COL18A1: variants seen among roughly 807,000 people sequenced by gnomAD.
The protein encoded by COL18A1 is collagen alpha-1(XVIII) chain.
In COL18A1, 133 loss-of-function variants were observed where a neutral mutation model predicts 168.0. The ratio of observed to expected loss-of-function variants is 0.79; its 90% CI spans 0.69 to 0.91. The LOEUF (loss-of-function observed/expected upper bound fraction) is 0.91. Ranked by LOEUF, COL18A1 falls within the 40% of genes least tolerant of loss-of-function variation. The probability of loss-of-function intolerance (pLI) is 0.00; values close to 1 mark genes in which losing one functional copy is unlikely to be tolerated. For missense variants in COL18A1, 2,126 were observed against 1,925.4 expected (o/e 1.10, Z -1.95); for synonymous variants, 949 against 809.0 (o/e 1.17, Z -2.94).
At chr21:45,505,464 G>A (rs573183760) in intron 36 of COL18A1, 33 bp downstream of exon 36, 82 of 1,170,996 alleles carry the variant, frequency 7.0e-5, no homozygotes, top group South Asian at 3.0e-4. Context: ...GGGCACCTGC[G>A]TCCCGTGCCC....
At chr21:45,478,670 G>T (rs113818326) in intron 9 of COL18A1, among the ~76,000 whole-genome samples, 1 of 151,672 alleles carries the variant, frequency 6.6e-6, no homozygotes, top group Non-Finnish European at 1.5e-5. Context: ...GCAGGGGGTG[G>T]TGCAAGTCGG....
intron 2 of COL18A1, among the ~76,000 whole-genome samples, chr21:45,460,291 G>A (rs1453403558): frequency 6.6e-6 from 1 of 152,234 alleles, no homozygotes; most frequent in African/African-American, 2.4e-5. Context: ...GATGGATAGT[G>A]CCTGTGCACA....
At chr21:45,442,743 G>A (rs1332116262) in intron 2 of COL18A1, among the ~76,000 whole-genome samples, 6 of 95,564 alleles carry the variant, frequency 6.3e-5, no homozygotes, top group East Asian at 3.1e-4. Context: ...TGTGGGCAGC[G>A]GGGCTGGTGT....
chr21:45,481,699 C>T (rs542147024), intron 13 of COL18A1, among the ~76,000 whole-genome samples: 4 of 152,350 alleles, frequency 2.6e-5, no homozygotes, highest in African/African-American at 7.2e-5. Flanking sequence ...GAGGGAGCAG[C>T]GGCTACCCCA....
Position 45,486,923 on chromosome 21 carries a change from C to G in COL18A1, c.1764C>G (p.Pro588=). The part of the protein sequence containing the change: ...ARGESGLAGA[P]GPAGPPGPPG... ...GGGAGAGCGGCCTGGCAGGAGCCCC[C>G]GGACCTGCTGGACCACCAGGCCCCC... Residue 588 remains proline (P), a synonymous_variant, in exon 16 of 42, where the codon CCC becomes CCG. Coordinates refer to ENST00000651438, the MANE Select transcript of COL18A1 (RefSeq NM_001379500.1). 1 of 1,511,786 alleles carries G rather than the reference C, an allele frequency of 6.6e-7. No individual in the cohort carries two copies. The highest frequency in any genetic ancestry group is 1.2e-5 in the South Asian group (1 of 80,398). 93.6% of individuals were successfully genotyped at this position (1,511,786 alleles called of 1,614,324 possible).
chr21:45,505,660 G>A (rs997561674), intron 36 of COL18A1, among the ~76,000 whole-genome samples, 178 bp from the exon 37 acceptor site: 3 of 152,288 alleles, frequency 2.0e-5, no homozygotes, highest in Non-Finnish European at 4.4e-5. Context: ...CCACGGAGGC[G>A]CAGGAGCTGG....
intron 32 of COL18A1, among the ~76,000 whole-genome samples, chr21:45,501,716 C>A (rs539923290): frequency 4.4e-5 from 6 of 134,918 alleles, no homozygotes; most frequent in African/African-American, 1.6e-4. Flanking sequence ...GGTCACCTCC[C>A]TCTGCAGAAG....
intron 2 of COL18A1, among the ~76,000 whole-genome samples, chr21:45,432,172 T>A (rs1602368406): frequency 6.6e-6 from 1 of 152,318 alleles, no homozygotes; most frequent in Admixed American, 6.5e-5. Flanking sequence ...GGCCTCTCCC[T>A]GCCCCAGCAG....
At chr21:45,461,234 G>T (rs1324838449) in intron 2 of COL18A1, among the ~76,000 whole-genome samples, 1 of 152,100 alleles carries the variant, frequency 6.6e-6, no homozygotes, top group Non-Finnish European at 1.5e-5. Flanking sequence ...GCTGGCCTCG[G>T]CTGTGCCCTG....
intron 2 of COL18A1, chr21:45,455,503 C>G (rs75503020): frequency 2.5e-6 from 4 of 1,609,994 alleles, no homozygotes; most frequent in Middle Eastern, 4.0e-4. Context: ...GCCCTCCCGC[C>G]GCCCGCAGCT....
At chr21:45,466,064 G>C (rs1007284276) in intron 2 of COL18A1, among the ~76,000 whole-genome samples, 7 of 152,200 alleles carry the variant, frequency 4.6e-5, no homozygotes, top group African/African-American at 1.7e-4. Flanking sequence ...GGCCGTGTCA[G>C]GGTGAGGCTG....
In COL18A1 at chr21:45,443,184, G is replaced by A. The variant is rs1198835646; in HGVS notation, c.107-25058G>A. 5.3e-5 allele frequency among the ~76,000 whole-genome samples: 8 copies of A among 151,896 alleles called. No homozygotes were observed. The South Asian group carries it at 1.5e-3, about 28-fold the overall frequency. ...TGCTGGTGTGGGTGGATTCCTGGAG[G>A]ACAGCTGGGTCTTGCATCCAGCACA... On this transcript the variant is annotated intron_variant, in intron 2 of 41. Coordinates refer to ENST00000651438, the MANE Select transcript of COL18A1 (RefSeq NM_001379500.1). This position sits in a 1 kb window ranked among gnomAD's most constrained non-coding sequence, Gnocchi z 5.2.
Position 45,413,213 on chromosome 21 carries a change from C to T in COL18A1, c.106+7740C>T, listed in dbSNP as rs550834715. ...TTGCAACGTGAGTAAAATGGGTCCC[C>T]GTGAGCAGACACAGCTTTTGTGCTG... On this transcript the variant is annotated intron_variant, in intron 2 of 41. Transcript: ENST00000651438. 9.8e-5 allele frequency among the ~76,000 whole-genome samples: 15 copies of T among 152,328 alleles called. 2 individuals are homozygous for T. The highest frequency in any genetic ancestry group is 3.4e-4 in the African/African-American group (14 of 41,570).
rs1392303232 is a variant in COL18A1 at position 45,438,133 on chromosome 21, C to T, written c.107-30109C>T. On this transcript the variant is annotated intron_variant, in intron 2 of 41. Coordinates refer to ENST00000651438, the MANE Select transcript of COL18A1 (RefSeq NM_001379500.1). ...TCAGACACACAGGCACTCTCCTGCA[C>T]ACACACACTCACTCAGACACAGGCA... Among the ~76,000 whole-genome samples, 5 of 75,274 alleles carry T rather than the reference C, an allele frequency of 6.6e-5. 1 individual carries two copies. The highest frequency in any genetic ancestry group is 2.4e-4 in the African/African-American group (4 of 16,712). 49.4% of individuals were successfully genotyped at this position (75,274 alleles called of 152,430 possible).
chr21:45,486,465 C>T (rs1310152270), intron 15 of COL18A1, among the ~76,000 whole-genome samples: 8 of 94,264 alleles, frequency 8.5e-5, no homozygotes, highest in African/African-American at 1.4e-4. Context: ...CTTTTCCCCT[C>T]GCCTGCCCGG....
In COL18A1 at chr21:45,498,154, G is replaced by T; in HGVS notation, c.2683+493G>T. 1 of 662,906 alleles carries T rather than the reference G, an allele frequency of 1.5e-6. No individual in the cohort carries two copies. The highest frequency in any genetic ancestry group is 1.6e-5 in the South Asian group (1 of 60,926). 41.1% of individuals were successfully genotyped at this position (662,906 alleles called of 1,614,324 possible). On this transcript the variant is annotated intron_variant, in intron 32 of 41. Transcript: ENST00000651438. This position sits in a 1 kb window ranked among gnomAD's most constrained non-coding sequence, Gnocchi z 4.5. ...CTGAGCCCCACCTCCATTGAGGGTGGCAGGGCTGCTTGGATGTCCTGCCAA... is the reference window on the plus strand; with the variant it reads ...CTGAGCCCCACCTCCATTGAGGGTGTCAGGGCTGCTTGGATGTCCTGCCAA...
In COL18A1 at chr21:45,511,131, C is replaced by G; in HGVS notation, c.3714C>G (p.Ser1238Arg). ...TCCAGGACGAGCTGCTGTTTCCCAG[C>G]TGGGAGGCTCTGTTCTCAGGCTCTG... ...VNLKDELLFP[S>R]WEALFSGSEG... The change falls in exon 41 of 42, where the codon AGC (serine) becomes AGG (arginine). Residue 1238 changes from serine to arginine, a missense_variant. Coordinates refer to ENST00000651438, the MANE Select transcript of COL18A1 (RefSeq NM_001379500.1). The G allele has an allele frequency of 6.3e-7, 1 of 1,586,706 alleles. No individual in the cohort carries two copies. The highest frequency in any genetic ancestry group is 2.3e-5 in the East Asian group (1 of 43,530).
At chr21:45,434,297 G>A (rs1048930812) in intron 2 of COL18A1, among the ~76,000 whole-genome samples, 8 of 152,126 alleles carry the variant, frequency 5.3e-5, no homozygotes, top group Non-Finnish European at 8.8e-5. Context: ...TTCTGCCCTC[G>A]GGGACAGGCG....
At chr21:45,475,991 C>T (rs1456804172) in intron 5 of COL18A1, among the ~76,000 whole-genome samples, 1 of 152,210 alleles carries the variant, frequency 6.6e-6, no homozygotes, top group Non-Finnish European at 1.5e-5. Flanking sequence ...GGGGAGGCCC[C>T]AGCCGCGGGA....
Sources: allele counts gnomAD v4.1 joint callset (sites outside exome capture counted in the v4.1 genomes callset), GRCh38; gene constraint gnomAD v4.1.1; non-coding constraint Gnocchi (gnomAD v3.1); transcripts MANE v1.5; gene names NCBI Gene and HGNC (gene_info 2026-07-23, HGNC 2026-07-21).